MCM8: variants seen among roughly 807,000 people sequenced by gnomAD.
The protein encoded by MCM8 is DNA helicase MCM8.
Under a neutral mutation model 98.9 loss-of-function variants are expected in MCM8, and 85 were observed. The observed-to-expected ratio is 0.86, with a 90% confidence interval of 0.72 to 1.03. MCM8 has a LOEUF of 1.03. Ranked by LOEUF, MCM8 falls within the 50% of genes least tolerant of loss-of-function variation. The pLI is 0.00. For missense variants in MCM8, 951 were observed against 997.8 expected (o/e 0.95, Z 0.63); for synonymous variants, 352 against 338.6 (o/e 1.04, Z -0.44).
intron 14 of MCM8, 84 bp from the exon 15 acceptor site, chr20:5,984,697 G>T: frequency 1.8e-6 from 2 of 1,118,682 alleles, no homozygotes; most frequent in South Asian, 1.5e-5. Context: ...CGTGGAACTT[G>T]AGTAGTAAAT....
chr20:5,954,657 A>T lies in MCM8; in HGVS notation c.303A>T (p.Lys101Asn), dbSNP rs6117014. The T allele has an allele frequency of 5.0e-6, 8 of 1,610,138 alleles. No homozygotes were observed. In the Admixed American group the frequency reaches 6.7e-5, roughly 13 times the overall value. ...PLIEKIQAFE[K>N]FFTRHIDLYD... is the part of the protein sequence containing the mutation. ...TTGAGAAGATTCAAGCATTTGAAAA[A>T]TTTTTCACAAGGCATATTGATTTGT... The change falls in exon 4 of 19, where the codon AAA becomes AAT. Residue 101 changes from lysine (K) to asparagine (N), a missense_variant. Physicochemically the swap from Lys to Asn is moderately conservative, Grantham distance 94. Coordinates refer to ENST00000610722, the MANE Select transcript of MCM8 (RefSeq NM_032485.6).
At chr20:5,956,575 G>A (rs536477716) in intron 5 of MCM8, among the ~76,000 whole-genome samples, 125 of 152,202 alleles carry the variant, frequency 8.2e-4, no homozygotes, top group Non-Finnish European at 1.8e-4. Context: ...TGTATTTTTA[G>A]TAGAGATGGG....
chr20:5,993,639 A>G lies in MCM8; in HGVS notation c.2374A>G (p.Asn792Asp), dbSNP rs764346615. ...CAACAACGTTGCTGAAAGAACTTAT[A>G]ATAATATATTTCAATTTCATCAACT... ...ALNNVAERTY[N>D]NIFQFHQLRQ... is the part of the protein sequence containing the mutation. The change falls in exon 18 of 19, where the codon AAT becomes GAT. Residue 792 changes from asparagine to aspartate, a missense_variant. Physicochemically the swap from Asn to Asp is conservative, Grantham distance 23 (BLOSUM62 1). Transcript: ENST00000610722. 48 of 1,611,062 alleles carry G rather than the reference A, an allele frequency of 3.0e-5. No homozygotes were observed. The highest frequency in any genetic ancestry group is 3.9e-5 in the Non-Finnish European group (46 of 1,178,148).
chr20:5,983,203 A>C (rs777816898), intron 14 of MCM8, 38 bp downstream of exon 14: 6 of 1,497,198 alleles, frequency 4.0e-6, no homozygotes, highest in African/African-American at 1.4e-5. Context: ...TAATGTATTG[A>C]ATCACTTTAA....
In MCM8 at chr20:5,950,954, A is replaced by C. The variant is rs1302127683; in HGVS notation, c.-75A>C. ...GGAGGGAGGGAGAATCCGGCCGGACAGATCTGCGCGTATCCTGGAGCCGGC... is the reference window on the plus strand; with the variant it reads ...GGAGGGAGGGAGAATCCGGCCGGACCGATCTGCGCGTATCCTGGAGCCGGC... On this transcript the variant is annotated 5_prime_UTR_variant, in exon 1 of 19. Transcript: ENST00000610722. 1 of 152,298 alleles carries C rather than the reference A, an allele frequency of 6.6e-6. No individual in the cohort carries two copies. The highest frequency in any genetic ancestry group is 1.5e-5 in the Non-Finnish European group (1 of 68,088). The allele number at this position is 152,298 out of a possible 1,614,324, so 9.4% of individuals were successfully genotyped here. A position where few individuals can be genotyped will look rare whatever the true frequency, so the allele number is the denominator to read the frequency against.
chr20:5,954,550 G>A, intron 3 of MCM8, 58 bp from the exon 4 acceptor site: 1 of 991,146 alleles, frequency 1.0e-6, no homozygotes, highest in Admixed American at 1.9e-5. Flanking sequence ...TTTGTCTCAT[G>A]AAAAATGTGC....
In MCM8 at chr20:5,973,112, T is replaced by A; in HGVS notation, c.1311T>A (p.Asp437Glu). 1 of 1,614,218 alleles carries A rather than the reference T, an allele frequency of 6.2e-7. No homozygotes were observed. Among genetic ancestry groups the A allele is most frequent in the Non-Finnish European group, 8.5e-7 (1 of 1,180,034 alleles). The change falls in exon 12 of 19, where the codon GAT (aspartate) becomes GAA (glutamate). Residue 437 changes from aspartate (D) to glutamate (E), a missense_variant. Coordinates refer to ENST00000610722, the MANE Select transcript of MCM8 (RefSeq NM_032485.6). Reference sequence around the variant, plus strand: ...TTGGAGGAAGCCAGAAATACGCAGATGACAAAAACAGAATTCCAATTCGGG... The same window carrying A: ...TTGGAGGAAGCCAGAAATACGCAGAAGACAAAAACAGAATTCCAATTCGGG... ...ALFGGSQKYA[D>E]DKNRIPIRGD...
chr20:5,972,167 T>A (rs1357370964), intron 11 of MCM8, 130 bp downstream of exon 11: 4 of 577,504 alleles, frequency 6.9e-6, no homozygotes, highest in Non-Finnish European at 1.2e-5. Flanking sequence ...TGTAAATTAA[T>A]GATATGGGAG....
At chr20:5,971,901 ATTTGTC>A (rs2089411047) in intron 10 of MCM8, 100 bp from the exon 11 acceptor site, 1 of 896,118 alleles carries the variant, frequency 1.1e-6, no homozygotes, top group Non-Finnish European at 1.7e-6. Context: ...AATTTTTTAC[ATTTGTC>A]TTTGTTGATA....
chr20:5,994,522 CA>C lies in MCM8; in HGVS notation c.*132del. 1.8e-6 allele frequency: 1 copy of C among 571,406 alleles called. No individual in the cohort carries two copies. Among genetic ancestry groups the C allele is most frequent in the East Asian group, 3.0e-5 (1 of 33,686 alleles). 35.4% of individuals were successfully genotyped at this position (571,406 alleles called of 1,614,324 possible). ...ACACACACACACACACACACACACACAGTCAAATACTGTTCTCTGAAAAATG... is the reference window on the plus strand; with the variant it reads ...ACACACACACACACACACACACACACGTCAAATACTGTTCTCTGAAAAATG... On this transcript the variant is annotated 3_prime_UTR_variant, in exon 19 of 19. Transcript: ENST00000610722.
chr20:5,991,411 C>T (rs1429977515), intron 17 of MCM8: 4 of 152,042 alleles, frequency 2.6e-5, no homozygotes, highest in East Asian at 1.9e-4. Flanking sequence ...GTACTGCTTC[C>T]CAGAGTTGCT....
At chr20:5,986,981 G>A (rs1222169394) in intron 16 of MCM8, among the ~76,000 whole-genome samples, 3 of 151,548 alleles carry the variant, frequency 2.0e-5, no homozygotes, top group Non-Finnish European at 2.9e-5. Context: ...ATACACCACC[G>A]CACCCAGCTA....
At chr20:5,958,237 C>T (rs2089038946) in intron 6 of MCM8, among the ~76,000 whole-genome samples, 1 of 152,100 alleles carries the variant, frequency 6.6e-6, no homozygotes, top group African/African-American at 2.4e-5. Flanking sequence ...GGTGTGGTGG[C>T]ACACACCTGT....
At chr20:5,952,569 T>C in intron 3 of MCM8, 41 bp downstream of exon 3, 1 of 1,517,798 alleles carries the variant, frequency 6.6e-7, no homozygotes, top group Non-Finnish European at 9.1e-7. Flanking sequence ...TAAATCATAT[T>C]TTCTTAACTT....
chr20:5,952,652 C>T, intron 3 of MCM8, 124 bp downstream of exon 3: 1 of 777,008 alleles, frequency 1.3e-6, no homozygotes, highest in South Asian at 1.9e-5. Context: ...TTAGTTCACC[C>T]AAACAATTAA....
At chr20:5,966,966 G>A (rs975105240) in intron 8 of MCM8, among the ~76,000 whole-genome samples, 1 of 152,166 alleles carries the variant, frequency 6.6e-6, no homozygotes, top group Admixed American at 6.5e-5. Flanking sequence ...TCTTTCGGTT[G>A]ATTACTGTTT....
rs759763765 is a variant in MCM8 at position 5,958,518 on chromosome 20, T to C, written c.591-10T>C. 6.9e-6 allele frequency: 11 copies of C among 1,600,210 alleles called. No homozygotes were observed. In the South Asian group the frequency reaches 1.1e-4, roughly 16 times the overall value. ...AATTTTCTGTTCATTACTTCCTGTT[T>C]TGTCTTTAGGGTGTACAACTATGAG... On this transcript the variant is annotated splice_polypyrimidine_tract_variant and intron_variant, in intron 6 of 18. Coordinates refer to ENST00000610722, the MANE Select transcript of MCM8 (RefSeq NM_032485.6).
intron 11 of MCM8, chr20:5,972,635 A>G (rs1206427291): frequency 7.0e-6 from 4 of 573,558 alleles, no homozygotes; most frequent in African/African-American, 3.8e-5. Flanking sequence ...GCTCACTGCA[A>G]CCTCCACCTC....
chr20:5,967,780 T>C (rs1442805239), intron 9 of MCM8, 50 bp from the exon 10 acceptor site: 3 of 1,465,570 alleles, frequency 2.0e-6, no homozygotes, highest in Non-Finnish European at 2.8e-6. Context: ...TGAGTCATTG[T>C]AGGGAAAATG....
Sources: gnomAD v4.1 joint callset for allele counts (sites outside exome capture counted in the v4.1 genomes callset) on GRCh38, gnomAD v4.1.1 for gene constraint, MANE v1.5 for transcripts, NCBI Gene and HGNC (gene_info 2026-07-23, HGNC 2026-07-21) for gene names.